The following BRINP1 variants were observed in gnomAD, a reference collection of about 807,000 sequenced individuals.
BRINP1 encodes the protein BMP/retinoic acid-inducible neural-specific protein 1.
Under a neutral mutation model 72.9 loss-of-function variants are expected in BRINP1, and 17 were observed. That is an observed-to-expected ratio of 0.23 (90% confidence interval 0.16 to 0.35). The LOEUF is 0.35. Ranked by LOEUF, BRINP1 falls within the 10% of genes least tolerant of loss-of-function variation. The probability of loss-of-function intolerance (pLI) is 1.00; values close to 1 mark genes in which losing one functional copy is unlikely to be tolerated. For synonymous variants in BRINP1, 418 were observed against 378.5 expected (o/e 1.10, Z -1.21); for missense variants, 850 against 1,001.6 (o/e 0.85, Z 2.04).
At chr9:119,346,534 T>C (rs144578655) in intron 1 of BRINP1, among the ~76,000 whole-genome samples, 12 of 152,230 alleles carry the variant, frequency 7.9e-5, no homozygotes, top group African/African-American at 2.4e-4. Flanking sequence ...CTCTTCAAAT[T>C]TTGACACCAA....
At chr9:119,201,114 G>A (rs186153651) in intron 7 of BRINP1, among the ~76,000 whole-genome samples, 114 of 152,182 alleles carry the variant, frequency 7.5e-4, no homozygotes, top group Non-Finnish European at 1.4e-3. Flanking sequence ...GTTTTAAACA[G>A]GGATGTGACA....
At chr9:119,228,553 T>A (rs1830116906) in intron 5 of BRINP1, among the ~76,000 whole-genome samples, 1 of 151,880 alleles carries the variant, frequency 6.6e-6, no homozygotes, top group Non-Finnish European at 1.5e-5. Flanking sequence ...AGGGACATTT[T>A]AATCCAGTCC....
intron 2 of BRINP1, among the ~76,000 whole-genome samples, chr9:119,280,466 C>A (rs578090835): frequency 1.3e-5 from 2 of 151,274 alleles, no homozygotes; most frequent in East Asian, 3.9e-4. Context: ...GGATGGTCTC[C>A]ATCTCCTGAC....
chr9:119,202,813 T>C (rs1198482509), intron 7 of BRINP1, among the ~76,000 whole-genome samples: 1 of 152,200 alleles, frequency 6.6e-6, no homozygotes, highest in Non-Finnish European at 1.5e-5. Flanking sequence ...GGAATTATCT[T>C]GTTGCTGTCC....
intron 7 of BRINP1, among the ~76,000 whole-genome samples, chr9:119,185,144 A>C (rs578165044): frequency 6.6e-6 from 1 of 152,252 alleles, no homozygotes; most frequent in East Asian, 1.9e-4. Flanking sequence ...TTATATCATA[A>C]CTGGAATACC....
intron 1 of BRINP1, among the ~76,000 whole-genome samples, chr9:119,331,940 G>A (rs1831303813): frequency 1.3e-5 from 2 of 152,202 alleles, no homozygotes; most frequent in South Asian, 4.1e-4. Flanking sequence ...TCCGGTGAAT[G>A]TTATACACTA....
chr9:119,248,912 C>T, intron 3 of BRINP1, 48 bp downstream of exon 3: 1 of 1,548,220 alleles, frequency 6.5e-7, no homozygotes, highest in South Asian at 1.2e-5. Flanking sequence ...CTTCCCATCC[C>T]AAACCCAAAG....
At chr9:119,294,068 T>C (rs1172003079) in intron 2 of BRINP1, among the ~76,000 whole-genome samples, 1 of 152,080 alleles carries the variant, frequency 6.6e-6, no homozygotes, top group African/African-American at 2.4e-5. Flanking sequence ...TTTAATGAAG[T>C]TGAAGATACA....
At chr9:119,352,842 C>G (rs10984501) in intron 1 of BRINP1, among the ~76,000 whole-genome samples, 1 of 152,338 alleles carries the variant, frequency 6.6e-6, no homozygotes, top group East Asian at 1.9e-4. Flanking sequence ...AAGATGCCAA[C>G]AGTATGACTC....
chr9:119,337,906 A>G (rs1831363469), intron 1 of BRINP1, among the ~76,000 whole-genome samples: 1 of 152,242 alleles, frequency 6.6e-6, no homozygotes, highest in Admixed American at 6.5e-5. Context: ...GCAGAGTACT[A>G]CAGTCAGAAG....
At chr9:119,295,997 G>A (rs889621219) in intron 2 of BRINP1, among the ~76,000 whole-genome samples, 1 of 152,034 alleles carries the variant, frequency 6.6e-6, no homozygotes, top group African/African-American at 2.4e-5. Flanking sequence ...CTTTGGATAT[G>A]ACCCTAAAAG....
At chr9:119,175,306 G>T (rs1187825065) in intron 7 of BRINP1, among the ~76,000 whole-genome samples, 1 of 151,846 alleles carries the variant, frequency 6.6e-6, no homozygotes, top group Non-Finnish European at 1.5e-5. Flanking sequence ...TCACTAGTAA[G>T]TGGGAGTTGA....
rs1831331387 is a variant in BRINP1 at position 119,334,698 on chromosome 9, T to A, written c.-50-21293A>T. ...GGTAGACTTAAGTGTTTTCTTATGT[T>A]CCTTCCAAGAATCATAGTACTTGTC... On this transcript the variant is annotated intron_variant, in intron 1 of 7. Transcript: ENST00000265922. Among the ~76,000 whole-genome samples the A allele has an allele frequency of 2.0e-5, 3 of 151,114 alleles. 1 individual carries two copies. In the South Asian group the frequency reaches 6.3e-4, roughly 32 times the overall value.
intron 2 of BRINP1, among the ~76,000 whole-genome samples, chr9:119,270,969 A>G (rs955198954): frequency 4.6e-5 from 7 of 152,194 alleles, no homozygotes; most frequent in African/African-American, 7.2e-5. Flanking sequence ...AGTAAGTATA[A>G]GAAATAAATA....
chr9:119,363,865 T>A (rs558712409), intron 1 of BRINP1, among the ~76,000 whole-genome samples: 46 of 152,344 alleles, frequency 3.0e-4, no homozygotes, highest in Admixed American at 6.5e-4. Context: ...CATACATGGT[T>A]AGTGGCTACC....
chr9:119,213,722 T>A (rs1461742537), intron 6 of BRINP1, 197 bp downstream of exon 6: 2 of 652,322 alleles, frequency 3.1e-6, no homozygotes, highest in Non-Finnish European at 5.5e-6. Context: ...ATTATGCTAT[T>A]CATTAATTTT....
intron 2 of BRINP1, among the ~76,000 whole-genome samples, chr9:119,271,142 G>A (rs1347392246): frequency 2.0e-5 from 3 of 152,126 alleles, no homozygotes; most frequent in Non-Finnish European, 4.4e-5. Flanking sequence ...AAATGGTTAA[G>A]CCAGGAGCAT....
At chr9:119,327,449 T>C (rs1831251373) in intron 1 of BRINP1, among the ~76,000 whole-genome samples, 1 of 152,192 alleles carries the variant, frequency 6.6e-6, no homozygotes, top group African/African-American at 2.4e-5. Flanking sequence ...GGATGAACTG[T>C]ACAAATTGAG....
chr9:119,311,319 A>T (rs1039344820), intron 2 of BRINP1, among the ~76,000 whole-genome samples: 2 of 152,240 alleles, frequency 1.3e-5, no homozygotes, highest in African/African-American at 4.8e-5. Context: ...ACTTTGGCTA[A>T]ATCTTAAATG....
Sources: allele counts gnomAD v4.1 joint callset (sites outside exome capture counted in the v4.1 genomes callset), GRCh38; gene constraint gnomAD v4.1.1; transcripts MANE v1.5; gene names NCBI Gene and HGNC (gene_info 2026-07-23, HGNC 2026-07-21).